The following SEMA3D variants were observed in gnomAD, a reference collection of about 807,000 sequenced individuals.
SEMA3D encodes the protein semaphorin-3D.
In SEMA3D, 84 loss-of-function variants were observed where a neutral mutation model predicts 100.1. That is an observed-to-expected ratio of 0.84 (90% confidence interval 0.70 to 1.01). The LOEUF is 1.01. Among genes scored for constraint, SEMA3D ranks in the 50% least tolerant of loss-of-function variants. The probability of loss-of-function intolerance (pLI) is 0.00; values close to 1 mark genes in which losing one functional copy is unlikely to be tolerated. For missense variants in SEMA3D, 875 were observed against 934.1 expected (o/e 0.94, Z 0.82); for synonymous variants, 312 against 320.7 (o/e 0.97, Z 0.29).
At chr7:85,167,070 T>C (rs1413621843) in intron 1 of SEMA3D, among the ~76,000 whole-genome samples, 1 of 151,850 alleles carries the variant, frequency 6.6e-6, no homozygotes, top group Non-Finnish European at 1.5e-5. Context: ...AAATATCCAT[T>C]AGGATGGCTG....
intron 9 of SEMA3D, 64 bp downstream of exon 9, chr7:85,055,645 CATATATAT>C (rs56131427): frequency 0.07 from 11,100 of 159,428 alleles, 462 homozygotes; most frequent in African/African-American, 0.14. Context: ...TTTTCATATA[CATATATAT>C]ATATATATAT....
intron 5 of SEMA3D, among the ~76,000 whole-genome samples, chr7:85,080,252 G>A (rs1285731218): frequency 2.6e-5 from 4 of 152,034 alleles, no homozygotes; most frequent in African/African-American, 9.7e-5. Context: ...GCTCCATAAG[G>A]ACAGATATGA....
At chr7:85,064,187 C>G (rs1791550845) in intron 8 of SEMA3D, among the ~76,000 whole-genome samples, 1 of 152,148 alleles carries the variant, frequency 6.6e-6, no homozygotes, top group Non-Finnish European at 1.5e-5. Flanking sequence ...CATCCCAAGA[C>G]AGAGATACAA....
At chr7:85,196,175 A>G in the SEMA3D span, among the ~76,000 whole-genome samples, 1,472 of 152,330 alleles carry the variant, frequency 9.7e-3, 22 homozygotes, top group African/African-American at 0.034. Context: ...AATAGAATGC[A>G]TGCATTAACG....
intron 12 of SEMA3D, chr7:85,028,921 C>A: frequency 3.8e-6 from 1 of 262,718 alleles, no homozygotes; most frequent in East Asian, 1.0e-4. Flanking sequence ...AGCATCAACC[C>A]TCATGAAGCT....
Position 85,151,092 on chromosome 7 carries a change from C to CCA in SEMA3D, c.-41+2514_-41+2515dup, listed in dbSNP as rs67407646. ...CACTGTTACCTACAATAAAAAAAAT[C>CCA]CACACACACACACACACACACACAC... On this transcript the variant is annotated intron_variant, in intron 2 of 18. Transcript: ENST00000284136. Among the ~76,000 whole-genome samples, 494 of 147,212 alleles carry CCA rather than the reference C, an allele frequency of 3.4e-3. 1 individual carries two copies. The highest frequency in any genetic ancestry group is 4.6e-3 in the Non-Finnish European group (306 of 66,340).
the SEMA3D span, among the ~76,000 whole-genome samples, chr7:85,211,704 T>C: frequency 1.3e-5 from 2 of 152,056 alleles, no homozygotes; most frequent in African/African-American, 4.8e-5. Flanking sequence ...TCTGCCTCTG[T>C]TTCCCCTAAG....
chr7:85,226,867 A>T, the SEMA3D span, among the ~76,000 whole-genome samples: 1 of 152,164 alleles, frequency 6.6e-6, no homozygotes, highest in African/African-American at 2.4e-5. Flanking sequence ...TATTGAGTTT[A>T]TATTGTGGAA....
At chr7:85,165,663 T>C (rs1398978936) in intron 1 of SEMA3D, among the ~76,000 whole-genome samples, 2 of 152,112 alleles carry the variant, frequency 1.3e-5, no homozygotes, top group Non-Finnish European at 2.9e-5. Context: ...TGAGTACATA[T>C]GCATACCATC....
At chr7:85,237,155 T>A in the SEMA3D span, among the ~76,000 whole-genome samples, 3 of 152,220 alleles carry the variant, frequency 2.0e-5, no homozygotes, top group African/African-American at 7.2e-5. Context: ...AGTTTTAGGT[T>A]CACAGCAGTG....
At chr7:85,136,810 T>TA (rs1789878959) in intron 2 of SEMA3D, among the ~76,000 whole-genome samples, 1 of 152,132 alleles carries the variant, frequency 6.6e-6, no homozygotes, top group South Asian at 2.1e-4. Context: ...TACTCTTTGA[T>TA]AAAGAATGCA....
intron 2 of SEMA3D, among the ~76,000 whole-genome samples, chr7:85,137,454 T>A (rs185934999): frequency 6.6e-6 from 1 of 152,120 alleles, no homozygotes; most frequent in East Asian, 1.9e-4. Context: ...CAAGGGAATA[T>A]CTGCTCTTTA....
chr7:85,009,073 C>T (rs753203415), intron 17 of SEMA3D, among the ~76,000 whole-genome samples: 21 of 151,580 alleles, frequency 1.4e-4, no homozygotes, highest in Non-Finnish European at 2.5e-4. Flanking sequence ...TTGTTTTGTT[C>T]TATCATGACC....
At position 85,118,938 on chromosome 7, in the gene SEMA3D, G is replaced by C. The variant is rs1789327387; in HGVS notation, c.151+2803C>G. On this transcript the variant is annotated intron_variant, in intron 3 of 18. Coordinates refer to ENST00000284136, the MANE Select transcript of SEMA3D (RefSeq NM_001384900.1). ...TTTTAAATAAACAACACCACTAAAA[G>C]GTGGGCAAAGGACATGAACAGACAC... 2.6e-5 allele frequency among the ~76,000 whole-genome samples: 4 copies of C among 152,132 alleles called. No homozygotes were observed. The South Asian group carries it at 8.3e-4, about 32-fold the overall frequency.
the SEMA3D span, among the ~76,000 whole-genome samples, chr7:85,228,952 G>A: frequency 2.0e-5 from 3 of 152,004 alleles, no homozygotes; most frequent in African/African-American, 7.2e-5. Context: ...GCTTTACCTA[G>A]CACAGCATAC....
At chr7:85,097,517 T>A (rs571100153) in intron 4 of SEMA3D, among the ~76,000 whole-genome samples, 31 of 151,996 alleles carry the variant, frequency 2.0e-4, no homozygotes, top group African/African-American at 7.0e-4. Flanking sequence ...ACTTTCCATT[T>A]CTATTATATG....
intron 3 of SEMA3D, among the ~76,000 whole-genome samples, chr7:85,098,770 C>G (rs1265097005): frequency 6.6e-6 from 1 of 151,812 alleles, no homozygotes; most frequent in African/African-American, 2.4e-5. Context: ...AAGTATCAAC[C>G]ATTGTAGTAT....
intron 1 of SEMA3D, chr7:85,159,972 A>G (rs1009018511): frequency 1.0e-6 from 1 of 984,324 alleles, no homozygotes; most frequent in African/African-American, 1.7e-5. Flanking sequence ...TACGGTAACT[A>G]CTCCAGAGGT....
intron 2 of SEMA3D, among the ~76,000 whole-genome samples, chr7:85,133,601 T>A (rs1311427257): frequency 6.6e-6 from 1 of 152,002 alleles, no homozygotes; most frequent in African/African-American, 2.4e-5. Context: ...GCAACTGAGA[T>A]AAAATTCTTG....
Sources: allele counts gnomAD v4.1 joint callset (sites outside exome capture counted in the v4.1 genomes callset), GRCh38; gene constraint gnomAD v4.1.1; transcripts MANE v1.5; gene names NCBI Gene and HGNC (gene_info 2026-07-23, HGNC 2026-07-21).